Variants in KAZN observed in about 807,000 individuals in gnomAD.
The protein encoded by KAZN is kazrin.
In KAZN, 40 loss-of-function variants were observed where a neutral mutation model predicts 87.4. That is an observed-to-expected ratio of 0.46 (90% confidence interval 0.36 to 0.60). KAZN has a LOEUF of 0.60. Ranked by LOEUF, KAZN falls within the 20% of genes least tolerant of loss-of-function variation. The pLI, the probability that KAZN is intolerant of heterozygous loss-of-function variation, is 0.00. For missense variants in KAZN, 898 were observed against 1,073.9 expected, an observed-to-expected ratio of 0.84 and a Z score of 2.29; for synonymous variants, 466 against 458.3, an observed-to-expected ratio of 1.02 and a Z score of -0.22.
chr1:14,487,745 A>G (rs1486824044), intron 2 of KAZN, among the ~76,000 whole-genome samples: 2 of 152,236 alleles, frequency 1.3e-5, no homozygotes, highest in African/African-American at 4.8e-5. Context: ...AGGTGGTGGC[A>G]GTGCTGGTGG....
At chr1:14,232,000 TG>T (rs1421155972) in intron 2 of KAZN, among the ~76,000 whole-genome samples, 1 of 152,110 alleles carries the variant, frequency 6.6e-6, no homozygotes, top group Non-Finnish European at 1.5e-5. Context: ...GGGCCAGATC[TG>T]GGAGTGGCAC....
intron 2 of KAZN, among the ~76,000 whole-genome samples, chr1:14,327,005 A>G (rs1474781401): frequency 6.6e-6 from 1 of 152,156 alleles, no homozygotes; most frequent in Non-Finnish European, 1.5e-5. Flanking sequence ...GCTCTATGAG[A>G]ACAAGCTCTT....
intron 1 of KAZN, among the ~76,000 whole-genome samples, chr1:14,684,188 G>C (rs1640830438): frequency 6.6e-6 from 1 of 152,086 alleles, no homozygotes; most frequent in Non-Finnish European, 1.5e-5. Flanking sequence ...GCCTTTTCAT[G>C]GACATTGTAG....
chr1:14,297,161 G>A lies in KAZN; in HGVS notation c.249+116569G>A, dbSNP rs1386812938. Among the ~76,000 whole-genome samples the A allele has an allele frequency of 2.0e-5, 3 of 152,106 alleles. No homozygotes were observed. In the East Asian group the frequency reaches 5.8e-4, roughly 29 times the overall value. On this transcript the variant is annotated intron_variant, in intron 2 of 16. Coordinates refer to the KAZN transcript ENST00000636203. ...CTCCCCCACAAGAAGCCAGAGGTGG[G>A]CAGTTGCCAGCTGTGGTCAGTGGCA...
At chr1:14,265,653 G>C (rs1400764983) in intron 2 of KAZN, among the ~76,000 whole-genome samples, 1 of 152,170 alleles carries the variant, frequency 6.6e-6, no homozygotes, top group African/African-American at 2.4e-5. Context: ...CGAACCCTCA[G>C]TGTGGAAATT....
intron 1 of KAZN, among the ~76,000 whole-genome samples, chr1:14,756,878 G>A (rs1644583209): frequency 6.6e-6 from 1 of 152,194 alleles, no homozygotes; most frequent in South Asian, 2.1e-4. Context: ...AAAAGCAACA[G>A]AACAAAACCT....
chr1:14,446,638 T>C (rs928057230), intron 2 of KAZN, among the ~76,000 whole-genome samples: 2 of 152,142 alleles, frequency 1.3e-5, no homozygotes, highest in South Asian at 4.2e-4. Context: ...ATCCAACGTA[T>C]TCAAAATCTC....
At position 14,856,993 on chromosome 1, in the gene KAZN, T is replaced by C. The variant is rs1650193745; in HGVS notation, c.227-103691T>C. Among the ~76,000 whole-genome samples, 2 of 152,156 alleles carry C rather than the reference T, an allele frequency of 1.3e-5. No individual in the cohort carries two copies. Among genetic ancestry groups the C allele is most frequent in the Non-Finnish European group, 2.9e-5 (2 of 68,010 alleles). On this transcript the variant is annotated intron_variant, in intron 1 of 14. Transcript: ENST00000376030. The surrounding 1 kb of genome is among the most constrained non-coding windows in gnomAD (Gnocchi z 5.2). Reference sequence around the variant, plus strand: ...CAATTTGCACTCGAACAGGAGAACATGGGCATAAATGCACCAGGAGAGGTT... The same window carrying C: ...CAATTTGCACTCGAACAGGAGAACACGGGCATAAATGCACCAGGAGAGGTT...
intron 2 of KAZN, among the ~76,000 whole-genome samples, chr1:14,379,571 T>C (rs953781571): frequency 3.9e-5 from 6 of 152,066 alleles, no homozygotes; most frequent in African/African-American, 1.4e-4. Flanking sequence ...TGAAGAGCCA[T>C]TGGACCTTAA....
At position 14,802,948 on chromosome 1, in the gene KAZN, A is replaced by C. The variant is rs1024058889; in HGVS notation, c.227-157736A>C. 9.9e-5 allele frequency among the ~76,000 whole-genome samples: 15 copies of C among 152,276 alleles called. No individual in the cohort carries two copies. The South Asian group carries it at 1.9e-3, about 19-fold the overall frequency. On this transcript the variant is annotated intron_variant, in intron 1 of 14. Coordinates refer to ENST00000376030, the MANE Select transcript of KAZN (RefSeq NM_201628.3). ...ACCCACAGAGGGGCTGAGGAAAGCC[A>C]CCTACCTCTCCGAGCCTGATTCCTT...
intron 1 of KAZN, among the ~76,000 whole-genome samples, chr1:14,069,843 G>A (rs1643170338): frequency 6.6e-6 from 1 of 152,108 alleles, no homozygotes; most frequent in Non-Finnish European, 1.5e-5. Context: ...CTTGCGTATT[G>A]CTCTCTCCTG....
intron 2 of KAZN, among the ~76,000 whole-genome samples, chr1:14,487,096 G>A (rs1389559416): frequency 6.6e-6 from 1 of 152,174 alleles, no homozygotes; most frequent in African/African-American, 2.4e-5. Flanking sequence ...TGGCACGTTA[G>A]GACACTGGAC....
intron 1 of KAZN, among the ~76,000 whole-genome samples, chr1:14,697,541 A>G (rs535344593): frequency 1.1e-4 from 16 of 152,060 alleles, no homozygotes; most frequent in Non-Finnish European, 2.1e-4. Flanking sequence ...ATTGATTTAC[A>G]TTCTCCTCTC....
intron 1 of KAZN, among the ~76,000 whole-genome samples, chr1:13,983,787 C>A (rs1277215005): frequency 1.3e-5 from 2 of 152,238 alleles, no homozygotes; most frequent in Non-Finnish European, 1.5e-5. Flanking sequence ...TCTCTCCATG[C>A]ACTTACAAAA....
At chr1:14,211,764 C>T (rs1238235473) in intron 2 of KAZN, among the ~76,000 whole-genome samples, 1 of 152,068 alleles carries the variant, frequency 6.6e-6, no homozygotes, top group Non-Finnish European at 1.5e-5. Context: ...CGGGGCTTCT[C>T]TCCTACAAAA....
chr1:14,169,489 A>G (rs1354338446), intron 1 of KAZN, among the ~76,000 whole-genome samples: 3 of 152,142 alleles, frequency 2.0e-5, no homozygotes, highest in East Asian at 1.9e-4. Context: ...GTGGTGCCCA[A>G]TCAACTGGAG....
At chr1:14,101,676 G>C (rs187229487) in intron 1 of KAZN, among the ~76,000 whole-genome samples, 4 of 152,290 alleles carry the variant, frequency 2.6e-5, no homozygotes, top group Admixed American at 2.6e-4. Context: ...ATTACTTTAA[G>C]TAGAATTTTT....
At chr1:14,835,152 A>G (rs1405566430) in intron 1 of KAZN, among the ~76,000 whole-genome samples, 4 of 152,188 alleles carry the variant, frequency 2.6e-5, no homozygotes, top group Non-Finnish European at 5.9e-5. Flanking sequence ...CCCGAGAGGT[A>G]TTGTAATTCC....
intron 1 of KAZN, among the ~76,000 whole-genome samples, chr1:14,716,444 C>T (rs1642799280): frequency 6.6e-6 from 1 of 152,186 alleles, no homozygotes; most frequent in African/African-American, 2.4e-5. Context: ...CCTTTCCAAT[C>T]TTTTTTCACA....
Sources: gnomAD v4.1 joint callset for allele counts (sites outside exome capture counted in the v4.1 genomes callset) on GRCh38, gnomAD v4.1.1 for gene constraint, Gnocchi (gnomAD v3.1) non-coding constraint, MANE v1.5 for transcripts, NCBI Gene and HGNC (gene_info 2026-07-23, HGNC 2026-07-21) for gene names.